SPMAP2L: variants seen among roughly 807,000 people sequenced by gnomAD.
The protein encoded by SPMAP2L is sperm microtubule associated protein 2-like.
At chr4:56,535,702 G>T in the SPMAP2L span, among the ~76,000 whole-genome samples, 1 of 152,264 alleles carries the variant, frequency 6.6e-6, no homozygotes, top group South Asian at 2.1e-4. Context: ...CACTGCAGTA[G>T]CCTCCAGCTG....
chr4:56,593,738 T>C, the SPMAP2L span: 2 of 1,568,654 alleles, frequency 1.3e-6, no homozygotes, highest in Non-Finnish European at 1.8e-6. Context: ...GAAAGAAGTG[T>C]ATTGTCTTGC....
At chr4:56,618,638 C>G in the SPMAP2L span, among the ~76,000 whole-genome samples, 1 of 152,160 alleles carries the variant, frequency 6.6e-6, no homozygotes, top group Non-Finnish European at 1.5e-5. Context: ...GTTACCGCCC[C>G]CATGATTCAA....
At chr4:56,537,378 T>A in the SPMAP2L span, among the ~76,000 whole-genome samples, 8 of 152,232 alleles carry the variant, frequency 5.3e-5, no homozygotes, top group African/African-American at 1.9e-4. Flanking sequence ...GACACTTACA[T>A]ATTCAACTGC....
At chr4:56,605,247 A>G in the SPMAP2L span, among the ~76,000 whole-genome samples, 2 of 152,208 alleles carry the variant, frequency 1.3e-5, no homozygotes, top group African/African-American at 2.4e-5. Context: ...CTTACATTAA[A>G]TGAATGTCTG....
the SPMAP2L span, among the ~76,000 whole-genome samples, chr4:56,540,561 T>C: frequency 0.011 from 1,632 of 146,718 alleles, 19 homozygotes; most frequent in Non-Finnish European, 0.019. Context: ...ACAAAAGCCA[T>C]ATAATACCTT....
At chr4:56,547,033 A>G in the SPMAP2L span, among the ~76,000 whole-genome samples, 2 of 152,240 alleles carry the variant, frequency 1.3e-5, no homozygotes, top group African/African-American at 4.8e-5. Context: ...TGTTCTCTCC[A>G]TACTGGCACC....
chr4:56,622,320 A>G, the SPMAP2L span, among the ~76,000 whole-genome samples: 2 of 152,262 alleles, frequency 1.3e-5, no homozygotes, highest in African/African-American at 4.8e-5. Flanking sequence ...TGCAAAGGCA[A>G]TAAGGAATAA....
the SPMAP2L span, among the ~76,000 whole-genome samples, chr4:56,578,494 T>C: frequency 3.9e-5 from 6 of 152,082 alleles, no homozygotes; most frequent in Non-Finnish European, 5.9e-5. Context: ...TTATCGGTAA[T>C]TACATTAAAT....
the SPMAP2L span, chr4:56,603,340 C>T: frequency 6.6e-7 from 1 of 1,508,274 alleles, no homozygotes; most frequent in African/African-American, 1.4e-5. Flanking sequence ...AAAGCCACAA[C>T]AGTCAGACCC....
chr4:56,603,196 T>C, the SPMAP2L span: 3 of 1,500,000 alleles, frequency 2.0e-6, no homozygotes, highest in East Asian at 4.9e-5. Flanking sequence ...GATTTCTTTT[T>C]CCCCTATTTC....
At chr4:56,587,658 T>A in the SPMAP2L span, among the ~76,000 whole-genome samples, 1 of 152,222 alleles carries the variant, frequency 6.6e-6, no homozygotes, top group East Asian at 1.9e-4. Flanking sequence ...TCATTCCTTT[T>A]TATGGCTGAG....
At chr4:56,579,162 C>G in the SPMAP2L span, among the ~76,000 whole-genome samples, 3 of 152,032 alleles carry the variant, frequency 2.0e-5, no homozygotes, top group African/African-American at 7.2e-5. Context: ...AATACACATT[C>G]TTTTCAAGTG....
At chr4:56,538,622 G>A in the SPMAP2L span, among the ~76,000 whole-genome samples, 1 of 152,172 alleles carries the variant, frequency 6.6e-6, no homozygotes, top group African/African-American at 2.4e-5. Flanking sequence ...GGCCAACATG[G>A]TGAAACCCCA....
the SPMAP2L span, chr4:56,575,472 T>A: frequency 6.5e-7 from 1 of 1,531,902 alleles, no homozygotes; most frequent in South Asian, 1.2e-5. Flanking sequence ...CATGCTTGTT[T>A]CGTTTACTTC....
the SPMAP2L span, among the ~76,000 whole-genome samples, chr4:56,571,605 G>T: frequency 1.3e-5 from 2 of 152,028 alleles, no homozygotes; most frequent in Non-Finnish European, 2.9e-5. Flanking sequence ...CAATGCTTTG[G>T]GAGGCCAAAA....
chr4:56,555,373 C>A, the SPMAP2L span, among the ~76,000 whole-genome samples: 1 of 152,162 alleles, frequency 6.6e-6, no homozygotes, highest in Non-Finnish European at 1.5e-5. Context: ...ATTACTGTAG[C>A]TTTGTAAGTC....
At chr4:56,530,628 A>G in the SPMAP2L span, 625 of 1,507,846 alleles carry the variant, frequency 4.1e-4, 1 homozygote, top group Middle Eastern at 1.6e-3. Flanking sequence ...GCGCCTGGGC[A>G]ACCAGTCGGG....
chr4:56,561,642 C>A, the SPMAP2L span, among the ~76,000 whole-genome samples: 2 of 152,142 alleles, frequency 1.3e-5, no homozygotes, highest in African/African-American at 4.8e-5. Flanking sequence ...TGGCACCAAG[C>A]CATTCATGAA....
chr4:56,536,070 C>T, the SPMAP2L span, among the ~76,000 whole-genome samples: 3 of 152,240 alleles, frequency 2.0e-5, no homozygotes, highest in Admixed American at 6.5e-5. Context: ...TGACAGGAGG[C>T]GGAGTTGAGG....
Sources: allele counts gnomAD v4.1 joint callset (sites outside exome capture counted in the v4.1 genomes callset), GRCh38; gene constraint gnomAD v4.1.1; transcripts MANE v1.5; gene names NCBI Gene and HGNC (gene_info 2026-07-23, HGNC 2026-07-21).